PTCH1: variants seen among roughly 807,000 people sequenced by gnomAD.
PTCH1 encodes patched 1.
In PTCH1, 14 loss-of-function variants were observed where a neutral mutation model predicts 144.6. The observed-to-expected ratio is 0.10, with a 90% confidence interval of 0.06 to 0.15. The LOEUF (loss-of-function observed/expected upper bound fraction) is 0.15. Ranked by LOEUF, PTCH1 falls within the 10% of genes least tolerant of loss-of-function variation. The probability of loss-of-function intolerance (pLI) is 1.00; values close to 1 mark genes in which losing one functional copy is unlikely to be tolerated. For missense variants in PTCH1, 1,623 were observed against 1,948.3 expected, an observed-to-expected ratio of 0.83 and a Z score of 3.14; for synonymous variants, 833 against 793.6, an observed-to-expected ratio of 1.05 and a Z score of -0.83.
At chr9:95,511,087 A>G (rs1426453374), upstream of PTCH1, among the ~76,000 whole-genome samples, 13 of 149,402 alleles carry the variant, frequency 8.7e-5, no homozygotes, top group South Asian at 2.1e-4. Flanking sequence ...CGACCGGCCA[A>G]TGGTCGCGCT....
At position 95,479,079 on chromosome 9, in the gene PTCH1, T is replaced by C. The variant is rs1841324703; in HGVS notation, c.1136A>G (p.Tyr379Cys). 1 of 1,614,214 alleles carries C rather than the reference T, an allele frequency of 6.2e-7. No individual in the cohort carries two copies. The highest frequency in any genetic ancestry group is 8.5e-7 in the Non-Finnish European group (1 of 1,180,038). The change falls in exon 8 of 24, where the codon TAC (tyrosine) becomes TGC (cysteine). Residue 379 changes from tyrosine (Y) to cysteine (C), a missense_variant. Coordinates refer to ENST00000331920, the MANE Select transcript of PTCH1 (RefSeq NM_000264.5). ...CCAGTTGATGTGTGAGACATACTCG[T>C]ACCCCTTGAAGTGCTCGTACATTTG... Reference protein sequence around the residue: ...PKQMYEHFKGYEYVSHINWNE... With the variant: ...PKQMYEHFKGCEYVSHINWNE...
chr9:95,503,717 G>A (rs1434738187), intron 2 of PTCH1, among the ~76,000 whole-genome samples: 1 of 128,476 alleles, frequency 7.8e-6, no homozygotes, highest in Non-Finnish European at 1.6e-5. Context: ...CCACTATCAT[G>A]TTATAAAAAC....
At chr9:95,480,662 C>G in intron 5 of PTCH1, 74 bp from the exon 6 acceptor site, 1 of 1,447,248 alleles carries the variant, frequency 6.9e-7, no homozygotes, top group Non-Finnish European at 9.6e-7. Flanking sequence ...CGGCTGCGCC[C>G]ACTGCATCCA....
chr9:95,482,266 G>T, intron 3 of PTCH1, 63 bp from the exon 4 acceptor site: 2 of 1,442,162 alleles, frequency 1.4e-6, no homozygotes, highest in South Asian at 1.2e-5. Flanking sequence ...GTGCAAATTC[G>T]AAATGATAGA....
At chr9:95,505,840 A>T (rs916956005) in intron 2 of PTCH1, among the ~76,000 whole-genome samples, 1 of 150,072 alleles carries the variant, frequency 6.7e-6, no homozygotes, top group African/African-American at 2.4e-5. Context: ...CTGTCCAAAA[A>T]CAGGACCACA....
chr9:95,508,825 G>A lies in PTCH1; in HGVS notation c.-464C>T. ...CCCGCTGCTCCCGCCGGCCGCGCTG[G>A]CTCTCTCGGCGCCTCCCGGGTCGCC... On this transcript the variant is annotated 5_prime_UTR_variant, in exon 1 of 24. Transcript: ENST00000331920. 2.0e-6 allele frequency: 2 copies of A among 984,064 alleles called. No homozygotes were observed. The highest frequency in any genetic ancestry group is 2.4e-6 in the Non-Finnish European group (2 of 829,500). 61.0% of individuals were successfully genotyped at this position (984,064 alleles called of 1,614,324 possible).
chr9:95,516,743 C>T lies in PTCH1; in HGVS notation c.-272G>A, dbSNP rs200948177. ...AACGGAAAGTGTAAAAACCCCGGCG[C>T]GCTGGGCCGCCGGAGGCTTTCGGCG... On this transcript the variant is annotated 5_prime_UTR_variant, in exon 1 of 23. Coordinates refer to the PTCH1 transcript ENST00000430669. 5 of 1,613,416 alleles carry T rather than the reference C, an allele frequency of 3.1e-6. No homozygotes were observed. Among genetic ancestry groups the T allele is most frequent in the East Asian group, 2.2e-5 (1 of 44,798 alleles).
At chr9:95,450,265 G>A in intron 20 of PTCH1, 2 of 382,084 alleles carry the variant, frequency 5.2e-6, no homozygotes, top group South Asian at 4.5e-5. Flanking sequence ...CAAAAATATG[G>A]AATGCGACCT....
intron 23 of PTCH1, 103 bp downstream of exon 23, chr9:95,446,808 C>G (rs149694348): frequency 6.7e-7 from 1 of 1,484,974 alleles, no homozygotes. Context: ...GGGATGTGCC[C>G]GAGCGCCACA....
rs1012830431 is a variant in PTCH1, at chr9:95,444,587, G to A, written c.*1806C>T. 6.6e-6 allele frequency: 1 copy of A among 152,466 alleles called. No homozygotes were observed. Among genetic ancestry groups the A allele is most frequent in the Admixed American group, 6.5e-5 (1 of 15,282 alleles). 9.4% of individuals were successfully genotyped at this position (152,466 alleles called of 1,614,324 possible). On this transcript the variant is annotated 3_prime_UTR_variant, in exon 24 of 24. Coordinates refer to ENST00000331920, the MANE Select transcript of PTCH1 (RefSeq NM_000264.5). ...TAAAAGTTTTGTGGTGAGTATCAGG[G>A]TCTGAGGTCACTATGCTGTGGGTAT...
intron 9 of PTCH1, 98 bp from the exon 10 acceptor site, chr9:95,477,800 C>A: frequency 6.5e-7 from 1 of 1,528,970 alleles, no homozygotes; most frequent in Non-Finnish European, 8.9e-7. Context: ...AATCAAAAGG[C>A]AGAACTTATC....
intron 2 of PTCH1, chr9:95,506,108 C>G (rs1843593235): frequency 6.4e-6 from 1 of 155,228 alleles, no homozygotes; most frequent in African/African-American, 2.4e-5. Flanking sequence ...CGGCGGCGGG[C>G]CCGGGGCCCC....
At position 95,445,173 on chromosome 9, in the gene PTCH1, T is replaced by C. The variant is rs930382710; in HGVS notation, c.*1220A>G. The C allele has an allele frequency of 2.0e-5, 3 of 152,144 alleles. No homozygotes were observed. Among genetic ancestry groups the C allele is most frequent in the Non-Finnish European group, 4.4e-5 (3 of 68,044 alleles). 9.4% of individuals were successfully genotyped at this position (152,144 alleles called of 1,614,324 possible). A position where few individuals can be genotyped will look rare whatever the true frequency, so the allele number is the denominator to read the frequency against. ...TAGAAAGCCTCAACCAGCTGCTCCA[T>C]TTAAGAGAGGGAGTTTAAACTATAG... On this transcript the variant is annotated 3_prime_UTR_variant, in exon 24 of 24. Coordinates refer to ENST00000331920, the MANE Select transcript of PTCH1 (RefSeq NM_000264.5).
chr9:95,450,750 A>G (rs1202979843), intron 20 of PTCH1: 1 of 152,510 alleles, frequency 6.6e-6, no homozygotes, highest in East Asian at 1.9e-4. Context: ...CAATTCAAAC[A>G]TAAAGGCCGC....
chr9:95,488,596 T>C (rs1842156008), intron 2 of PTCH1, among the ~76,000 whole-genome samples: 1 of 115,372 alleles, frequency 8.7e-6, no homozygotes, highest in Non-Finnish European at 1.6e-5. Context: ...GATTCATTCA[T>C]CCAGCAAGCA....
chr9:95,449,588 G>C lies in PTCH1; in HGVS notation c.3549+253C>G, dbSNP rs1035053889. ...GAAGTCCAATTATGCATCTCAAGGG[G>C]AAAGTCTTCATTTACTGTATAAAGA... is the stretch of plus-strand genomic sequence containing the variant. On this transcript the variant is annotated intron_variant, in intron 21 of 23. Transcript: ENST00000331920. This position sits in a 1 kb window ranked among gnomAD's most constrained non-coding sequence, Gnocchi z 5.3. The C allele has an allele frequency of 1.6e-6, 1 of 634,754 alleles. No individual in the cohort carries two copies. Among genetic ancestry groups the C allele is most frequent in the East Asian group, 2.7e-5 (1 of 36,674 alleles). 39.3% of individuals were successfully genotyped at this position (634,754 alleles called of 1,614,324 possible).
chr9:95,458,450 G>A lies in PTCH1; in HGVS notation c.2888-157C>T, dbSNP rs762868637. Among the ~76,000 whole-genome samples, 5 of 152,192 alleles carry A rather than the reference G, an allele frequency of 3.3e-5. No individual in the cohort carries two copies. Among genetic ancestry groups the A allele is most frequent in the Admixed American group, 2.0e-4 (3 of 15,280 alleles). On this transcript the variant is annotated intron_variant, in intron 17 of 23. Transcript: ENST00000331920. This position sits in a 1 kb window ranked among gnomAD's most constrained non-coding sequence, Gnocchi z 4.7. ...CTGATCATAGCCTCCAGGCCTTTACGATCTTCCCATTTGGTTTAAAAATGT... is the reference window on the plus strand; with the variant it reads ...CTGATCATAGCCTCCAGGCCTTTACAATCTTCCCATTTGGTTTAAAAATGT...
intron 8 of PTCH1, among the ~76,000 whole-genome samples, chr9:95,478,461 G>C (rs531325056): frequency 1.3e-5 from 2 of 152,162 alleles, no homozygotes; most frequent in Admixed American, 1.3e-4. Context: ...ATTTACTCCA[G>C]GGCTGAGACT....
intron 1 of PTCH1, chr9:95,507,959 G>A (rs1484391611): frequency 6.8e-7 from 1 of 1,472,720 alleles, no homozygotes; most frequent in Non-Finnish European, 9.0e-7. Flanking sequence ...ACCTCAGACA[G>A]CCCTTTCCTC....
Sources: gnomAD v4.1 joint callset for allele counts (sites outside exome capture counted in the v4.1 genomes callset) on GRCh38, gnomAD v4.1.1 for gene constraint, Gnocchi (gnomAD v3.1) non-coding constraint, MANE v1.5 for transcripts, NCBI Gene and HGNC (gene_info 2026-07-23, HGNC 2026-07-21) for gene names.